The following GALK2 variants were observed in gnomAD, a reference collection of about 807,000 sequenced individuals.
GALK2 encodes the protein N-acetylgalactosamine kinase.
In GALK2, 36 loss-of-function variants were observed where a neutral mutation model predicts 52.4. That is an observed-to-expected ratio of 0.69 (90% CI 0.53 to 0.91). GALK2 has a LOEUF of 0.91. Among genes scored for constraint, GALK2 ranks in the 40% least tolerant of loss-of-function variants. The pLI, the probability that GALK2 is intolerant of heterozygous loss-of-function variation, is 0.00. For missense variants in GALK2, 579 were observed against 559.1 expected (o/e 1.04, Z -0.36); for synonymous variants, 176 against 199.1 (o/e 0.88, Z 0.98).
chr15:49,333,372 G>A (rs115900382), downstream of GALK2, among the ~76,000 whole-genome samples: 1,124 of 152,164 alleles, frequency 7.4e-3, 16 homozygotes, highest in African/African-American at 0.022. Context: ...ATCCAAATAT[G>A]TATGTTTCAA....
chr15:49,202,832 T>G (rs2087900381), intron 2 of GALK2, among the ~76,000 whole-genome samples: 1 of 152,164 alleles, frequency 6.6e-6, no homozygotes, highest in African/African-American at 2.4e-5. Flanking sequence ...TGTAGAAGAA[T>G]TCTTATTTCT....
At chr15:49,191,861 TG>T (rs1190862654) in intron 1 of GALK2, among the ~76,000 whole-genome samples, 1 of 24,300 alleles carries the variant, frequency 4.1e-5, no homozygotes, top group Non-Finnish European at 1.9e-3. Flanking sequence ...TGATTTTCTG[TG>T]TTTTTTTTTT....
At chr15:49,218,581 A>G (rs1697879892) in intron 3 of GALK2, among the ~76,000 whole-genome samples, 1 of 152,182 alleles carries the variant, frequency 6.6e-6, no homozygotes, top group Admixed American at 6.5e-5. Flanking sequence ...TGCTAGAGGC[A>G]GGAGGCTTGA....
Position 49,328,530 on chromosome 15 carries a change from A to G in GALK2, c.*371A>G. Reference sequence around the variant, plus strand: ...AATTAAACTGATACCACTGAATTGTATGCATTATTCTTGAATAGAGTTCAT... The same window carrying G: ...AATTAAACTGATACCACTGAATTGTGTGCATTATTCTTGAATAGAGTTCAT... On this transcript the variant is annotated 3_prime_UTR_variant, in exon 10 of 10. Transcript: ENST00000560031. 6.2e-7 allele frequency: 1 copy of G among 1,605,510 alleles called. No homozygotes were observed. Among genetic ancestry groups the G allele is most frequent in the Non-Finnish European group, 8.5e-7 (1 of 1,174,600 alleles).
At chr15:49,332,443 A>G (rs1175484934), downstream of GALK2, among the ~76,000 whole-genome samples, 1 of 152,192 alleles carries the variant, frequency 6.6e-6, no homozygotes, top group African/African-American at 2.4e-5. Flanking sequence ...GAATCTCATG[A>G]TATCTGTCAC....
Position 49,328,924 on chromosome 15 carries a change from A to G in GALK2, c.*765A>G, listed in dbSNP as rs2151120977. On this transcript the variant is annotated 3_prime_UTR_variant, in exon 10 of 10. Transcript: ENST00000560031. The stretch of plus-strand genomic sequence containing the variant: ...CTTAATAGAAAAACTTAGATAAAAA[A>G]CACTTTAAGACTCTTCTATTCACAT... 8.3e-7 allele frequency: 1 copy of G among 1,200,944 alleles called. No individual in the cohort carries two copies. The highest frequency in any genetic ancestry group is 1.5e-5 in the African/African-American group (1 of 65,240). The allele number at this position is 1,200,944 out of a possible 1,614,324, so 74.4% of individuals were successfully genotyped here.
chr15:49,224,462 C>G (rs1490731651), intron 3 of GALK2, among the ~76,000 whole-genome samples: 2 of 152,128 alleles, frequency 1.3e-5, no homozygotes, highest in African/African-American at 4.8e-5. Flanking sequence ...AGCTTGAGGT[C>G]TTATATTTAA....
chr15:49,271,513 T>G (rs544719112), intron 5 of GALK2, among the ~76,000 whole-genome samples: 2 of 152,314 alleles, frequency 1.3e-5, no homozygotes, highest in South Asian at 4.1e-4. Context: ...CCCTGAGAGA[T>G]AAAGTATAGT....
At chr15:49,193,320 T>C (rs1184627510) in intron 1 of GALK2, among the ~76,000 whole-genome samples, 2 of 151,988 alleles carry the variant, frequency 1.3e-5, no homozygotes, top group African/African-American at 4.8e-5. Flanking sequence ...TTACACATTT[T>C]TCTATCAAGG....
At chr15:49,185,220 A>T (rs1386693795) in intron 1 of GALK2, among the ~76,000 whole-genome samples, 4 of 152,210 alleles carry the variant, frequency 2.6e-5, no homozygotes, top group Non-Finnish European at 5.9e-5. Context: ...ATAAGTAAGA[A>T]CATGTGATAT....
At chr15:49,192,810 G>C (rs990270136) in intron 1 of GALK2, among the ~76,000 whole-genome samples, 2 of 151,394 alleles carry the variant, frequency 1.3e-5, no homozygotes, top group Non-Finnish European at 2.9e-5. Flanking sequence ...TATGTTTAAG[G>C]GCCTTTTAAA....
At chr15:49,217,646 A>G (rs1398436846) in intron 3 of GALK2, among the ~76,000 whole-genome samples, 1 of 152,174 alleles carries the variant, frequency 6.6e-6, no homozygotes, top group Non-Finnish European at 1.5e-5. Flanking sequence ...TTCCTATGTT[A>G]CTATGGCACC....
chr15:49,230,314 C>T (rs926097998), intron 3 of GALK2, among the ~76,000 whole-genome samples: 5 of 152,146 alleles, frequency 3.3e-5, no homozygotes, highest in Non-Finnish European at 7.4e-5. Context: ...TTGAGGCGCT[C>T]TCCTATGGCT....
intron 5 of GALK2, among the ~76,000 whole-genome samples, chr15:49,243,760 T>A (rs1437688932): frequency 6.6e-6 from 1 of 152,088 alleles, no homozygotes; most frequent in African/African-American, 2.4e-5. Flanking sequence ...GTTACTTTTT[T>A]AAAAAAGGAA....
At chr15:49,276,904 G>GTTTTTTTTTTTTTTTTTTT (rs34440691) in intron 5 of GALK2, among the ~76,000 whole-genome samples, 1 of 77,900 alleles carries the variant, frequency 1.3e-5, no homozygotes, top group Non-Finnish European at 2.5e-5. Flanking sequence ...AGAATCTGAG[G>GTTTTTTTTTTTTTTTTTTT]TTTTTTTTTT....
rs933028319 is a variant in GALK2, at chr15:49,192,491, A to ATATGTG, written c.54-8668_54-8667insGTGTAT. ...ATGAATATTATATATATATGTATAT[A>ATATGTG]TATATATATATATATATATATATAT... is the stretch of plus-strand genomic sequence containing the variant. On this transcript the variant is annotated intron_variant, in intron 1 of 9. Transcript: ENST00000560031. 3.1e-4 allele frequency among the ~76,000 whole-genome samples: 8 copies of ATATGTG among 25,418 alleles called. No homozygotes were observed. The East Asian group carries it at 8.5e-3, about 27-fold the overall frequency. The allele number at this position is 25,418 out of a possible 152,430, so 16.7% of individuals were successfully genotyped here. A position where few individuals can be genotyped will look rare whatever the true frequency, so the allele number is the denominator to read the frequency against.
At chr15:49,342,037 C>T (rs1437938139) in intron 3 of GALK2, among the ~76,000 whole-genome samples, 6 of 152,094 alleles carry the variant, frequency 3.9e-5, no homozygotes, top group Non-Finnish European at 7.4e-5. Context: ...TTGTAGGTAT[C>T]TCTTATGTCC....
At chr15:49,312,411 G>C (rs560895765) in intron 8 of GALK2, among the ~76,000 whole-genome samples, 3 of 152,200 alleles carry the variant, frequency 2.0e-5, no homozygotes, top group Non-Finnish European at 4.4e-5. Flanking sequence ...CAGATTCTAT[G>C]TTCTTCAGCC....
exon 1 of GALK2, chr15:49,155,779 G>GGTT (rs1297679879): frequency 3.0e-6 from 2 of 670,274 alleles, no homozygotes; most frequent in African/African-American, 3.6e-5. Flanking sequence ...CCTCCGAAGT[G>GGTT]GTTGGTGCCT....
Sources: gnomAD v4.1 joint callset for allele counts (sites outside exome capture counted in the v4.1 genomes callset) on GRCh38, gnomAD v4.1.1 for gene constraint, MANE v1.5 for transcripts, NCBI Gene and HGNC (gene_info 2026-07-23, HGNC 2026-07-21) for gene names.